Variants in TACC2 observed in about 807,000 individuals in gnomAD.
TACC2 encodes transforming acidic coiled-coil containing protein 2.
A neutral mutation model predicts 227.3 loss-of-function variants in TACC2; 137 were observed. The observed-to-expected ratio is 0.60, with a 90% confidence interval of 0.52 to 0.69. The LOEUF is 0.69. TACC2 is among the 30% of genes least tolerant of loss of function. TACC2 has a pLI of 0.00. For synonymous variants in TACC2, 1,523 were observed against 1,487.5 expected, an observed-to-expected ratio of 1.02 and a Z score of -0.55; for missense variants, 3,470 against 3,694.4, an observed-to-expected ratio of 0.94 and a Z score of 1.57.
At chr10:122,122,747 G>T (rs1461732059) in intron 5 of TACC2, among the ~76,000 whole-genome samples, 1 of 152,086 alleles carries the variant, frequency 6.6e-6, no homozygotes, top group Non-Finnish European at 1.5e-5. Context: ...TTAAGGGGAG[G>T]GGCTGCATGA....
At position 122,188,878 on chromosome 10, in the gene TACC2, C is replaced by T. The variant is rs569948326; in HGVS notation, c.5835-6162C>T. Among the ~76,000 whole-genome samples the T allele has an allele frequency of 8.0e-4, 122 of 152,300 alleles. 1 individual carries two copies. Among genetic ancestry groups the T allele is most frequent in the South Asian group, 3.7e-3 (18 of 4,828 alleles). ...CTGCTTTGATTTTTCGCGAGGCAGC[C>T]GTAGGTGTCAGCCTGGAAAATTCTA... is the stretch of plus-strand genomic sequence containing the variant. On this transcript the variant is annotated intron_variant, in intron 7 of 22. Coordinates refer to ENST00000369005, the MANE Select transcript of TACC2 (RefSeq NM_206862.4).
intron 4 of TACC2, 127 bp downstream of exon 4, chr10:122,088,086 G>T: frequency 9.5e-7 from 1 of 1,050,034 alleles, no homozygotes; most frequent in South Asian, 2.7e-5. Flanking sequence ...ATATCTAATT[G>T]CTAAATGAAC....
chr10:122,086,420 T>G lies in TACC2; in HGVS notation c.3920T>G (p.Val1307Gly). The G allele has an allele frequency of 6.2e-7, 1 of 1,613,660 alleles. No individual in the cohort carries two copies. The highest frequency in any genetic ancestry group is 8.5e-7 in the Non-Finnish European group (1 of 1,179,982). ...GCTGCAGGTGGGGAAATCCCTGCAG[T>G]GCAAGCCAGCAGTGGTAGTCCCAAA... ...PGAAGGEIPA[V>G]QASSGSPKAR... Residue 1307 changes from valine (V) to glycine (G), a missense_variant, in exon 4 of 23, where the codon GTG (valine) becomes GGG (glycine). Physicochemically the swap from Val to Gly is moderately radical, Grantham distance 109. Coordinates refer to ENST00000369005, the MANE Select transcript of TACC2 (RefSeq NM_206862.4).
chr10:122,217,988 A>G (rs1041468572), intron 11 of TACC2, among the ~76,000 whole-genome samples: 18 of 152,054 alleles, frequency 1.2e-4, no homozygotes, highest in Non-Finnish European at 2.9e-5. Flanking sequence ...TCTGTCGCCC[A>G]GGCTGGAGTG....
At chr10:122,204,172 GGGGAGAGGGAGA>G (rs1255122663) in intron 8 of TACC2, among the ~76,000 whole-genome samples, 2 of 143,282 alleles carry the variant, frequency 1.4e-5, no homozygotes. Flanking sequence ...GGGAGACCGT[GGGGAGAGGGAGA>G]GGGGGAGGGG....
chr10:122,084,995 C>T lies in TACC2; in HGVS notation c.2495C>T (p.Pro832Leu), dbSNP rs1396930945. The T allele has an allele frequency of 6.2e-7, 1 of 1,614,172 alleles. No individual in the cohort carries two copies. The highest frequency in any genetic ancestry group is 8.5e-7 in the Non-Finnish European group (1 of 1,180,022). Reference protein sequence around the residue: ...PLLSSEKHLQPSQAQPETSIF... With the variant: ...PLLSSEKHLQLSQAQPETSIF... ...CTATCTTCTGAGAAGCATCTCCAGC[C>T]ATCCCAGGCACAACCAGAGACATCC... Residue 832 changes from proline to leucine, a missense_variant, in exon 4 of 23, where the codon CCA becomes CTA. Physicochemically the swap from Pro to Leu is moderately conservative, Grantham distance 98. Transcript: ENST00000369005.
At position 122,087,958 on chromosome 10, in the gene TACC2, A is replaced by G. The variant is rs760804922; in HGVS notation, c.5458A>G (p.Arg1820Gly). 2 of 1,498,090 alleles carry G rather than the reference A, an allele frequency of 1.3e-6. No homozygotes were observed. The highest frequency in any genetic ancestry group is 1.8e-4 in the Middle Eastern group (1 of 5,532). 92.8% of individuals were successfully genotyped at this position (1,498,090 alleles called of 1,614,324 possible). ...HLAPEELHTD[R>G]ESPRPGPSML... Reference sequence around the variant, plus strand: ...GGCTCCAGAAGAGCTCCACACTGACAGGTACTTAAATGAAAAAATTCCCAC... The same window carrying G: ...GGCTCCAGAAGAGCTCCACACTGACGGGTACTTAAATGAAAAAATTCCCAC... The change falls in exon 4 of 23, where the codon AGA becomes GGA. Residue 1820 changes from arginine to glycine, a missense_variant and splice_region_variant. Around this residue, in one of 10 missense-constraint regions of TACC2, gnomAD observed 1,924 missense variants for 1,978.3 expected, o/e 0.97. Transcript: ENST00000369005.
chr10:122,153,082 G>A (rs1339653393), intron 7 of TACC2, among the ~76,000 whole-genome samples: 3 of 141,662 alleles, frequency 2.1e-5, no homozygotes, highest in African/African-American at 5.2e-5. Flanking sequence ...TGCAGCCTCC[G>A]CCTCCCAGGT....
chr10:122,132,032 A>AAAGG (rs2088247917), intron 5 of TACC2, among the ~76,000 whole-genome samples: 1 of 30,272 alleles, frequency 3.3e-5, no homozygotes, highest in Non-Finnish European at 7.4e-5. Flanking sequence ...AAAAGAAAGA[A>AAAGG]AAAGAAAGAA....
chr10:121,993,792 A>AT (rs1953144062), intron 1 of TACC2, among the ~76,000 whole-genome samples: 2 of 151,802 alleles, frequency 1.3e-5, no homozygotes, highest in African/African-American at 4.8e-5. Flanking sequence ...TGCCTGCCTA[A>AT]TTTTTTTGTT....
chr10:122,250,138 T>C (rs1409883011), intron 22 of TACC2, among the ~76,000 whole-genome samples: 1 of 152,150 alleles, frequency 6.6e-6, no homozygotes, highest in African/African-American at 2.4e-5. Context: ...GACACTGAGC[T>C]TGTGCGCAGG....
intron 7 of TACC2, among the ~76,000 whole-genome samples, chr10:122,174,932 A>G (rs1470892688): frequency 6.6e-6 from 1 of 152,174 alleles, no homozygotes; most frequent in Non-Finnish European, 1.5e-5. Context: ...CAGATTCCCC[A>G]TGAAAAGGCG....
At chr10:122,137,781 G>C (rs977151953) in intron 6 of TACC2, among the ~76,000 whole-genome samples, 2 of 152,182 alleles carry the variant, frequency 1.3e-5, no homozygotes, top group Non-Finnish European at 2.9e-5. Flanking sequence ...TGCATTTCCA[G>C]TCCTTGGAGA....
In TACC2 at chr10:122,085,914, A is replaced by C; in HGVS notation, c.3414A>C (p.Ala1138=). Residue 1138 remains alanine (A), a synonymous_variant, in exon 4 of 23, where the codon GCA becomes GCC. Coordinates refer to ENST00000369005, the MANE Select transcript of TACC2 (RefSeq NM_206862.4). ...GAAETGGSAG[A]GDPGKQQAPE... ...CTGAGACTGGTGGCAGCGCTGGTGC[A>C]GGAGACCCAGGAAAGCAGCAGGCTC... 1 of 1,613,318 alleles carries C rather than the reference A, an allele frequency of 6.2e-7. No individual in the cohort carries two copies. Among genetic ancestry groups the C allele is most frequent in the Non-Finnish European group, 8.5e-7 (1 of 1,179,616 alleles).
chr10:122,136,828 A>C (rs1200835433), intron 6 of TACC2, among the ~76,000 whole-genome samples: 1 of 152,140 alleles, frequency 6.6e-6, no homozygotes, highest in African/African-American at 2.4e-5. Flanking sequence ...TGCTGGGATT[A>C]CAGGCGTGAG....
At chr10:122,160,318 C>A (rs969626236) in intron 7 of TACC2, among the ~76,000 whole-genome samples, 1 of 152,160 alleles carries the variant, frequency 6.6e-6, no homozygotes. Context: ...AACAGACAGG[C>A]CCCCAGGGGC....
intron 2 of TACC2, among the ~76,000 whole-genome samples, chr10:122,044,222 G>A (rs7095430): frequency 0.032 from 4,811 of 152,314 alleles, 207 homozygotes; most frequent in African/African-American, 0.099. Flanking sequence ...GAAATCCCAC[G>A]CTGGCAGCCT....
At chr10:122,237,313 A>G in intron 16 of TACC2, 82 bp from the exon 17 acceptor site, 1 of 1,375,868 alleles carries the variant, frequency 7.3e-7, no homozygotes, top group East Asian at 2.4e-5. Context: ...CAATTGGCCC[A>G]TTCATGAGAG....
At chr10:121,999,033 G>A (rs1169382066) in intron 1 of TACC2, among the ~76,000 whole-genome samples, 5 of 149,600 alleles carry the variant, frequency 3.3e-5, no homozygotes, top group Non-Finnish European at 5.9e-5. Flanking sequence ...TTTTTGAGAC[G>A]GAGTCTTGCT....
Sources: allele counts gnomAD v4.1 joint callset (sites outside exome capture counted in the v4.1 genomes callset), GRCh38; gene constraint gnomAD v4.1.1; regional missense constraint gnomAD v4.1.1; transcripts MANE v1.5; gene names NCBI Gene and HGNC (gene_info 2026-07-23, HGNC 2026-07-21).